The following SGCE variants were observed in gnomAD, a reference collection of about 807,000 sequenced individuals.
SGCE encodes the protein epsilon-sarcoglycan.
SGCE carries 26 observed loss-of-function variants against 57.8 expected under a neutral mutation model. The observed-to-expected ratio is 0.45, with a 90% CI of 0.33 to 0.62. The LOEUF is 0.62. Among genes scored for constraint, SGCE ranks in the 20% least tolerant of loss-of-function variants. SGCE has a pLI of 0.02. For missense variants in SGCE, 468 were observed against 548.6 expected, an observed-to-expected ratio of 0.85 and a Z score of 1.47; for synonymous variants, 183 against 189.5, an observed-to-expected ratio of 0.97 and a Z score of 0.28.
At chr7:94,631,903 A>C (rs977903353) in intron 1 of SGCE, among the ~76,000 whole-genome samples, 1 of 152,044 alleles carries the variant, frequency 6.6e-6, no homozygotes, top group African/African-American at 2.4e-5. Context: ...TTCTTTCTAG[A>C]GATTAAAAAT....
chr7:94,630,472 T>C (rs1335784195), intron 1 of SGCE, among the ~76,000 whole-genome samples: 1 of 151,884 alleles, frequency 6.6e-6, no homozygotes, highest in Non-Finnish European at 1.5e-5. Flanking sequence ...ATTCAAACAA[T>C]ATAATCTATT....
At chr7:94,592,383 G>C (rs941339922) in intron 9 of SGCE, among the ~76,000 whole-genome samples, 9 of 152,142 alleles carry the variant, frequency 5.9e-5, no homozygotes, top group Non-Finnish European at 1.2e-4. Flanking sequence ...CAGGAGCGGG[G>C]GGTCGACTTC....
At chr7:94,635,891 G>C (rs1167090920) in intron 1 of SGCE, among the ~76,000 whole-genome samples, 3 of 151,912 alleles carry the variant, frequency 2.0e-5, no homozygotes, top group Admixed American at 2.0e-4. Context: ...CAACATCAAA[G>C]TACTGCAGGC....
intron 10 of SGCE, chr7:94,587,186 T>G (rs138932929): frequency 3.0e-6 from 3 of 985,302 alleles, no homozygotes; most frequent in African/African-American, 3.5e-5. Flanking sequence ...TAAATTGTCC[T>G]TGTATTTGGA....
At chr7:94,600,592 A>T in intron 7 of SGCE, 54 bp downstream of exon 7, 1 of 1,324,168 alleles carries the variant, frequency 7.6e-7, no homozygotes, top group Non-Finnish European at 1.1e-6. Context: ...GGAATCTTCT[A>T]TGTTGTTATC....
At chr7:94,612,516 T>G (rs1305818068) in intron 5 of SGCE, among the ~76,000 whole-genome samples, 1 of 152,224 alleles carries the variant, frequency 6.6e-6, no homozygotes, top group Non-Finnish European at 1.5e-5. Context: ...GTATAATTTC[T>G]TTTTAAGTAC....
intron 5 of SGCE, 21 bp from the exon 6 acceptor site, chr7:94,603,473 C>A: frequency 1.2e-6 from 2 of 1,609,788 alleles, no homozygotes; most frequent in Non-Finnish European, 1.7e-6. Context: ...GTGAAACTCT[C>A]AGGTTATCCT....
At chr7:94,633,432 TG>T (rs1382566668) in intron 1 of SGCE, among the ~76,000 whole-genome samples, 1 of 152,126 alleles carries the variant, frequency 6.6e-6, no homozygotes, top group Non-Finnish European at 1.5e-5. Flanking sequence ...AGCAAGTAGC[TG>T]GGATCATTAT....
chr7:94,598,631 G>C lies in SGCE; in HGVS notation c.1253+144C>G, dbSNP rs747087716. Reference sequence around the variant, plus strand: ...TGTATTGTATATTTCAGGAGAGTAGGGGTGAGATTTACACAATGTCCTTTT... The same window carrying C: ...TGTATTGTATATTTCAGGAGAGTAGCGGTGAGATTTACACAATGTCCTTTT... On this transcript the variant is annotated intron_variant, in intron 9 of 10. Transcript: ENST00000648936. 7 of 718,374 alleles carry C rather than the reference G, an allele frequency of 9.7e-6. No homozygotes were observed. The Admixed American group carries it at 1.4e-4, about 14-fold the overall frequency. 44.5% of individuals were successfully genotyped at this position (718,374 alleles called of 1,614,324 possible).
chr7:94,596,747 A>T (rs2116649925), intron 9 of SGCE, among the ~76,000 whole-genome samples: 1 of 152,248 alleles, frequency 6.6e-6, no homozygotes, highest in Non-Finnish European at 1.5e-5. Context: ...TCATTCATAA[A>T]CAATTTGGTT....
At chr7:94,592,424 G>A (rs560602714) in intron 9 of SGCE, among the ~76,000 whole-genome samples, 2 of 152,130 alleles carry the variant, frequency 1.3e-5, no homozygotes, top group South Asian at 4.2e-4. Context: ...TTCCAAGGAG[G>A]GACCTTAATG....
At chr7:94,651,327 C>T (rs1807840686) in intron 1 of SGCE, among the ~76,000 whole-genome samples, 2 of 152,180 alleles carry the variant, frequency 1.3e-5, no homozygotes, top group Admixed American at 6.5e-5. Context: ...GATTTTAAAG[C>T]AAGCCTCTTA....
Position 94,618,743 on chromosome 7 carries a change from TA to T in SGCE, c.662+14del. On this transcript the variant is annotated intron_variant, in intron 5 of 10. Coordinates refer to ENST00000648936, the MANE Select transcript of SGCE (RefSeq NM_003919.3). ...AAAATCTATATTTAAGGCAATGAGA[TA>T]AAGATCTGCTTACCCCTCCTTCAGG... The T allele has an allele frequency of 6.2e-7, 1 of 1,605,524 alleles. No homozygotes were observed. Among genetic ancestry groups the T allele is most frequent in the Non-Finnish European group, 8.5e-7 (1 of 1,172,202 alleles).
chr7:94,585,538 T>A (rs748224337), intron 10 of SGCE, 23 bp from the exon 11 acceptor site: 1 of 1,563,146 alleles, frequency 6.4e-7, no homozygotes, highest in Non-Finnish European at 8.8e-7. Flanking sequence ...AGAATGAATA[T>A]GGGCAGGAGT....
At chr7:94,601,438 A>C (rs1799202727) in intron 6 of SGCE, among the ~76,000 whole-genome samples, 1 of 125,626 alleles carries the variant, frequency 8.0e-6, no homozygotes, top group Non-Finnish European at 1.6e-5. Context: ...ATTCTATCCC[A>C]GTATCAAAAA....
Sources: allele counts gnomAD v4.1 joint callset (sites outside exome capture counted in the v4.1 genomes callset), GRCh38; gene constraint gnomAD v4.1.1; transcripts MANE v1.5; gene names NCBI Gene and HGNC (gene_info 2026-07-23, HGNC 2026-07-21).